The following ARHGAP8 variants were observed in gnomAD, a reference collection of about 807,000 sequenced individuals.
The protein encoded by ARHGAP8 is Rho GTPase activating protein 8.
Under a neutral mutation model 46.1 loss-of-function variants are expected in ARHGAP8, and 62 were observed. That is an observed-to-expected ratio of 1.34 (90% CI 1.10 to 1.66). The LOEUF (loss-of-function observed/expected upper bound fraction) is 1.66. Among genes scored for constraint, ARHGAP8 ranks in the 40% most tolerant of loss-of-function variants. The pLI is 0.00. For missense variants in ARHGAP8, 923 were observed against 568.4 expected (o/e 1.62, Z -6.34); for synonymous variants, 375 against 243.1 (o/e 1.54, Z -5.05).
intron 3 of ARHGAP8, among the ~76,000 whole-genome samples, chr22:44,805,055 T>C (rs746120355): frequency 3.3e-5 from 5 of 152,152 alleles, no homozygotes; most frequent in Non-Finnish European, 7.4e-5. Context: ...AGCCCACTCT[T>C]GGTGTTTACC....
intron 1 of ARHGAP8, among the ~76,000 whole-genome samples, chr22:44,760,446 TG>T (rs1298552325): frequency 6.6e-6 from 1 of 152,130 alleles, no homozygotes; most frequent in Non-Finnish European, 1.5e-5. Context: ...CTCTGGGTCT[TG>T]GAAGCTTAGG....
intron 4 of ARHGAP8, among the ~76,000 whole-genome samples, chr22:44,811,524 G>T (rs1929333262): frequency 6.6e-6 from 1 of 152,202 alleles, no homozygotes. Flanking sequence ...ATGGAAAGAG[G>T]CAGACTTGTT....
intron 11 of ARHGAP8, among the ~76,000 whole-genome samples, chr22:44,860,896 C>T (rs1236824538): frequency 6.6e-6 from 1 of 152,184 alleles, no homozygotes; most frequent in Non-Finnish European, 1.5e-5. Flanking sequence ...GAGTAGGCGT[C>T]ACATCCCAGA....
chr22:44,828,450 T>G (rs1930691446), intron 7 of ARHGAP8, among the ~76,000 whole-genome samples: 1 of 83,430 alleles, frequency 1.2e-5, no homozygotes, highest in Admixed American at 1.2e-4. Context: ...TTTTTTTTTT[T>G]GAGACAATTT....
rs1022396342 is a variant in ARHGAP8 at position 44,858,828 on chromosome 22, C to G, written c.878-903C>G. Among the ~76,000 whole-genome samples the G allele has an allele frequency of 3.3e-5, 5 of 151,094 alleles. No individual in the cohort carries two copies. The South Asian group carries it at 6.3e-4, about 19-fold the overall frequency. On this transcript the variant is annotated intron_variant, in intron 10 of 11. Coordinates refer to ENST00000356099, the MANE Select transcript of ARHGAP8 (RefSeq NM_181335.3). The stretch of plus-strand genomic sequence containing the variant: ...AACAAAGTGTGGGCGATTTGTGGTG[C>G]TGAGAATCCTGAGCAGGCAGTTCGT...
chr22:44,833,138 G>T (rs147741488), intron 7 of ARHGAP8, among the ~76,000 whole-genome samples: 1 of 133,268 alleles, frequency 7.5e-6, no homozygotes, highest in Non-Finnish European at 1.5e-5. Flanking sequence ...CCTCTGTTGC[G>T]TAGGTTGGAG....
chr22:44,783,511 C>A (rs2349847), intron 1 of ARHGAP8, among the ~76,000 whole-genome samples: 6 of 151,960 alleles, frequency 3.9e-5, no homozygotes, highest in African/African-American at 7.2e-5. Flanking sequence ...GACATCCAGC[C>A]GCTCTGTCAC....
At chr22:44,831,250 C>G (rs1487593141) in intron 7 of ARHGAP8, among the ~76,000 whole-genome samples, 1 of 152,132 alleles carries the variant, frequency 6.6e-6, no homozygotes, top group Non-Finnish European at 1.5e-5. Flanking sequence ...AATTCAAGGC[C>G]GTGACAATTC....
chr22:44,797,335 T>C (rs1158244984), intron 2 of ARHGAP8, among the ~76,000 whole-genome samples: 1 of 151,734 alleles, frequency 6.6e-6, no homozygotes, highest in Non-Finnish European at 1.5e-5. Context: ...AGGAGCAAAG[T>C]TGTTCTTTCC....
chr22:44,830,695 C>T (rs1930885859), intron 7 of ARHGAP8, among the ~76,000 whole-genome samples: 1 of 151,922 alleles, frequency 6.6e-6, no homozygotes, highest in Non-Finnish European at 1.5e-5. Flanking sequence ...TGCCACCATG[C>T]CCAACTAATT....
chr22:44,860,771 A>T (rs2070438887), intron 11 of ARHGAP8, among the ~76,000 whole-genome samples: 1 of 152,058 alleles, frequency 6.6e-6, no homozygotes, highest in Non-Finnish European at 1.5e-5. Context: ...GGGAAGGTTC[A>T]ACACATCCAC....
chr22:44,811,465 C>G (rs1468531816), intron 4 of ARHGAP8, among the ~76,000 whole-genome samples: 1 of 152,180 alleles, frequency 6.6e-6, no homozygotes, highest in African/African-American at 2.4e-5. Context: ...CCAGAGGGGA[C>G]TAGGCAGGGA....
intron 2 of ARHGAP8, 71 bp from the exon 3 acceptor site, chr22:44,802,006 C>G: frequency 3.8e-6 from 6 of 1,594,526 alleles, no homozygotes; most frequent in Non-Finnish European, 2.6e-6. Flanking sequence ...AAGGAGGCTG[C>G]TTTTTGCTAA....
At chr22:44,860,940 A>G (rs5766126) in intron 11 of ARHGAP8, among the ~76,000 whole-genome samples, 64,087 of 151,674 alleles carry the variant, frequency 0.42, 13,783 homozygotes, top group East Asian at 0.6. Flanking sequence ...TGGTTTTACA[A>G]CAATTTTTTT....
At chr22:44,789,065 C>T (rs1314286819) in intron 2 of ARHGAP8, among the ~76,000 whole-genome samples, 1 of 152,184 alleles carries the variant, frequency 6.6e-6, no homozygotes, top group East Asian at 1.9e-4. Flanking sequence ...TTCACAGCTC[C>T]CAAAATTGGA....
At chr22:44,764,450 C>T (rs1223613752) in intron 1 of ARHGAP8, among the ~76,000 whole-genome samples, 3 of 152,170 alleles carry the variant, frequency 2.0e-5, no homozygotes, top group African/African-American at 7.2e-5. Flanking sequence ...GGGTCGGCTG[C>T]GGTGGTCCGG....
intron 2 of ARHGAP8, among the ~76,000 whole-genome samples, chr22:44,787,429 T>C (rs1927339498): frequency 1.3e-5 from 2 of 152,234 alleles, no homozygotes; most frequent in South Asian, 2.1e-4. Flanking sequence ...CACAGCAACC[T>C]CTGCCTCCCG....
intron 10 of ARHGAP8, among the ~76,000 whole-genome samples, chr22:44,858,664 C>T (rs887517331): frequency 1.5e-4 from 22 of 149,898 alleles, no homozygotes; most frequent in Middle Eastern, 3.5e-3. Context: ...AGCCACTGTG[C>T]CTGGCTGGTT....
chr22:44,806,154 A>C (rs1928905100), intron 3 of ARHGAP8, among the ~76,000 whole-genome samples: 2 of 152,204 alleles, frequency 1.3e-5, no homozygotes, highest in Admixed American at 6.5e-5. Context: ...GGAGGAGTGA[A>C]GAGTTCTCAG....
Sources: gnomAD v4.1 joint callset for allele counts (sites outside exome capture counted in the v4.1 genomes callset) on GRCh38, gnomAD v4.1.1 for gene constraint, MANE v1.5 for transcripts, NCBI Gene and HGNC (gene_info 2026-07-23, HGNC 2026-07-21) for gene names.